Variants in TEKT1 observed in about 807,000 individuals in gnomAD.
TEKT1 encodes tektin 1, also known as tektin-1.
A neutral mutation model predicts 34.8 loss-of-function variants in TEKT1; 32 were observed. The ratio of observed to expected loss-of-function variants is 0.92; its 90% CI spans 0.69 to 1.23. The LOEUF (loss-of-function observed/expected upper bound fraction) is 1.23. Ranked by LOEUF, TEKT1 falls within the 50% of genes most tolerant of loss-of-function variation. The pLI, the probability that TEKT1 is intolerant of heterozygous loss-of-function variation, is 0.00. For synonymous variants in TEKT1, 207 were observed against 199.8 expected (o/e 1.04, Z -0.30); for missense variants, 492 against 518.5 (o/e 0.95, Z 0.50).
chr17:6,803,042 C>G (rs1324769691), intron 6 of TEKT1, among the ~76,000 whole-genome samples: 1 of 152,032 alleles, frequency 6.6e-6, no homozygotes, highest in Non-Finnish European at 1.5e-5. Flanking sequence ...ACACTGACTT[C>G]CACAATGGTT....
chr17:6,813,113 G>T, intron 5 of TEKT1, 60 bp from the exon 6 acceptor site: 1 of 1,431,286 alleles, frequency 7.0e-7, no homozygotes, highest in Non-Finnish European at 9.6e-7. Context: ...GGGGTTGGGA[G>T]AGAGGGACGA....
Position 6,799,836 on chromosome 17 carries a change from G to T in TEKT1, c.*191C>A. ...CTGTGCTAAAATATGGAGTTGAATT[G>T]TTAGGCAAACACCACACCAGCATAA... On this transcript the variant is annotated 3_prime_UTR_variant, in exon 8 of 8. Coordinates refer to ENST00000338694, the MANE Select transcript of TEKT1 (RefSeq NM_053285.2). The T allele has an allele frequency of 1.9e-6, 1 of 539,862 alleles. No homozygotes were observed. Among genetic ancestry groups the T allele is most frequent in the Non-Finnish European group, 3.2e-6 (1 of 314,652 alleles). 33.4% of individuals were successfully genotyped at this position (539,862 alleles called of 1,614,324 possible).
At chr17:6,826,702 T>A (rs187065658) in intron 2 of TEKT1, among the ~76,000 whole-genome samples, 4,235 of 150,920 alleles carry the variant, frequency 0.028, 76 homozygotes, top group Middle Eastern at 0.099. Context: ...TATTATTATT[T>A]TTTTTTTTTT....
At position 6,811,026 on chromosome 17, in the gene TEKT1, G is replaced by A. The variant is rs2151584917; in HGVS notation, c.852+1805C>T. On this transcript the variant is annotated intron_variant, in intron 6 of 7. Coordinates refer to ENST00000338694, the MANE Select transcript of TEKT1 (RefSeq NM_053285.2). The surrounding 1 kb of genome is among the most constrained non-coding windows in gnomAD (Gnocchi z 4.4). ...CAAAGTGCTGGGATTACAGGCGTGA[G>A]CCACCACGCCCGGCCGTGACATCTT... Among the ~76,000 whole-genome samples, 1 of 152,324 alleles carries A rather than the reference G, an allele frequency of 6.6e-6. No individual in the cohort carries two copies. The highest frequency in any genetic ancestry group is 1.5e-5 in the Non-Finnish European group (1 of 68,026).
chr17:6,805,208 G>A (rs563897896), intron 6 of TEKT1, among the ~76,000 whole-genome samples: 15 of 152,214 alleles, frequency 9.9e-5, no homozygotes, highest in Admixed American at 6.5e-4. Context: ...TTTATGTGTC[G>A]AGGAGTTTAT....
At chr17:6,821,444 C>A (rs552499942) in intron 2 of TEKT1, among the ~76,000 whole-genome samples, 8 of 152,332 alleles carry the variant, frequency 5.3e-5, no homozygotes, top group African/African-American at 1.9e-4. Context: ...TTATAAGTTT[C>A]CTGAGGTCTC....
At chr17:6,807,507 G>C (rs939715222) in intron 6 of TEKT1, among the ~76,000 whole-genome samples, 1 of 152,180 alleles carries the variant, frequency 6.6e-6, no homozygotes, top group African/African-American at 2.4e-5. Context: ...TCCATTGCTG[G>C]TGAGGAGCTG....
intron 4 of TEKT1, 126 bp downstream of exon 4, chr17:6,815,708 G>A: frequency 8.5e-6 from 12 of 1,412,706 alleles, no homozygotes; most frequent in African/African-American, 1.4e-5. Context: ...GGCAATCTGG[G>A]GACACAAAGT....
At chr17:6,822,780 G>A (rs906508939) in intron 2 of TEKT1, among the ~76,000 whole-genome samples, 4 of 152,048 alleles carry the variant, frequency 2.6e-5, no homozygotes, top group Non-Finnish European at 2.9e-5. Context: ...TTGTTTTGGT[G>A]TCTGCCATGT....
Position 6,815,973 on chromosome 17 carries a change from G to T in TEKT1, c.357-11C>A. 6.2e-7 allele frequency: 1 copy of T among 1,613,482 alleles called. No homozygotes were observed. Among genetic ancestry groups the T allele is most frequent in the Non-Finnish European group, 8.5e-7 (1 of 1,179,994 alleles). On this transcript the variant is annotated splice_polypyrimidine_tract_variant and intron_variant, in intron 3 of 7. Transcript: ENST00000338694. The stretch of plus-strand genomic sequence containing the variant: ...CCAATGCGCTTCTCCCTGGCAGGGG[G>T]AAAGGCAGCCAGTCAGCCAACACGT...
chr17:6,808,053 C>T (rs1374270959), intron 6 of TEKT1, among the ~76,000 whole-genome samples: 3 of 152,172 alleles, frequency 2.0e-5, no homozygotes, highest in Non-Finnish European at 2.9e-5. Flanking sequence ...TTGGCAGTAC[C>T]CTCCCCCAGA....
intron 6 of TEKT1, among the ~76,000 whole-genome samples, chr17:6,803,441 T>C (rs949941008): frequency 5.9e-5 from 9 of 152,200 alleles, no homozygotes; most frequent in Non-Finnish European, 1.3e-4. Context: ...TTTCTTTTGC[T>C]GTGCAGAAGC....
chr17:6,821,720 T>C (rs184031203), intron 2 of TEKT1, among the ~76,000 whole-genome samples: 1 of 152,324 alleles, frequency 6.6e-6, no homozygotes, highest in East Asian at 1.9e-4. Context: ...TTGAATGGTT[T>C]CGATCAAAAT....
At chr17:6,808,151 C>T (rs1398519186) in intron 6 of TEKT1, among the ~76,000 whole-genome samples, 2 of 152,212 alleles carry the variant, frequency 1.3e-5, no homozygotes, top group Non-Finnish European at 2.9e-5. Flanking sequence ...TTTACCTACT[C>T]AAGCCTCAGC....
intron 2 of TEKT1, among the ~76,000 whole-genome samples, chr17:6,819,705 T>C (rs2151589397): frequency 6.6e-6 from 1 of 152,362 alleles, no homozygotes; most frequent in Admixed American, 6.5e-5. Flanking sequence ...CCCATCCATT[T>C]GAGACGGAGT....
Position 6,823,289 on chromosome 17 carries a change from C to A in TEKT1, c.191-3931G>T, listed in dbSNP as rs75560919. 1.5e-3 allele frequency among the ~76,000 whole-genome samples: 221 copies of A among 152,282 alleles called. 5 individuals carry two copies. In the East Asian group the frequency reaches 0.038, roughly 26 times the overall value. On this transcript the variant is annotated intron_variant, in intron 2 of 7. Coordinates refer to ENST00000338694, the MANE Select transcript of TEKT1 (RefSeq NM_053285.2). ...AGTTTTGAGCATTACAAGATTTCTG[C>A]AGCATGAATCAGCTGGCTTCTTATT... is the stretch of plus-strand genomic sequence containing the variant.
chr17:6,805,451 T>C (rs917149441), intron 6 of TEKT1, among the ~76,000 whole-genome samples: 2 of 152,174 alleles, frequency 1.3e-5, no homozygotes, highest in African/African-American at 4.8e-5. Flanking sequence ...AAGGGTTTTT[T>C]GTGTCTCTAT....
In TEKT1 at chr17:6,826,739, A is replaced by G. The variant is rs1484533840; in HGVS notation, c.190+3448T>C. Among the ~76,000 whole-genome samples, 4 of 150,282 alleles carry G rather than the reference A, an allele frequency of 2.7e-5. No homozygotes were observed. The East Asian group carries it at 7.8e-4, about 29-fold the overall frequency. ...GCGACGGAGTCTTGCTCTGTCACCC[A>G]GGCTGGAGTGCAGTGGCACTATCTC... On this transcript the variant is annotated intron_variant, in intron 2 of 7. Coordinates refer to ENST00000338694, the MANE Select transcript of TEKT1 (RefSeq NM_053285.2).
chr17:6,812,888 C>G lies in TEKT1; in HGVS notation c.795G>C (p.Lys265Asn). 1 of 1,614,216 alleles carries G rather than the reference C, an allele frequency of 6.2e-7. No individual in the cohort carries two copies. The highest frequency in any genetic ancestry group is 8.5e-7 in the Non-Finnish European group (1 of 1,180,048). The change falls in exon 6 of 8, where the codon AAG becomes AAC. Residue 265 changes from lysine (K) to asparagine (N), a missense_variant. Coordinates refer to ENST00000338694, the MANE Select transcript of TEKT1 (RefSeq NM_053285.2). The stretch of plus-strand genomic sequence containing the variant: ...CATCCTTTGTATCCTTCAGCCCATT[C>G]TTGAATGCCGTGTCCACCACATCAC... ...KQCDVVDTAF[K>N]NGLKDTKDAR...
Sources: gnomAD v4.1 joint callset for allele counts (sites outside exome capture counted in the v4.1 genomes callset) on GRCh38, gnomAD v4.1.1 for gene constraint, Gnocchi (gnomAD v3.1) non-coding constraint, MANE v1.5 for transcripts, NCBI Gene and HGNC (gene_info 2026-07-23, HGNC 2026-07-21) for gene names.